The following RAB6B variants were observed in gnomAD, a reference collection of about 807,000 sequenced individuals.
RAB6B encodes RAB6B, member RAS oncogene family.
A neutral mutation model predicts 31.2 loss-of-function variants in RAB6B; 7 were observed. The observed-to-expected ratio is 0.22, with a 90% CI of 0.13 to 0.42. RAB6B has a LOEUF of 0.42. RAB6B is among the 10% of genes least tolerant of loss of function. The probability of loss-of-function intolerance (pLI) is 1.00; values close to 1 mark genes in which losing one functional copy is unlikely to be tolerated. For synonymous variants in RAB6B, 105 were observed against 104.9 expected (o/e 1.00, Z -0.01); for missense variants, 149 against 280.6 (o/e 0.53, Z 3.35).
intron 2 of RAB6B, among the ~76,000 whole-genome samples, chr3:133,862,044 G>A (rs1936167686): frequency 6.6e-6 from 1 of 151,870 alleles, no homozygotes; most frequent in South Asian, 2.1e-4. Context: ...ATGAGCCTCT[G>A]TATACACAGA....
chr3:133,834,827 T>C lies in RAB6B; in HGVS notation c.496-186A>G, dbSNP rs536049793. On this transcript the variant is annotated intron_variant, in intron 6 of 7. Transcript: ENST00000285208. ...TCTCTCTCCCCCACCTCTCACAGCA[T>C]TGGGTCTGGGCAGGCCTCAGTAGCT... 2.8e-4 allele frequency among the ~76,000 whole-genome samples: 43 copies of C among 152,244 alleles called. 1 individual carries two copies. In the South Asian group the frequency reaches 7.1e-3, roughly 25 times the overall value.
At chr3:133,887,699 G>T (rs138284680) in intron 1 of RAB6B, among the ~76,000 whole-genome samples, 1 of 152,170 alleles carries the variant, frequency 6.6e-6, no homozygotes, top group African/African-American at 2.4e-5. Context: ...GTGACAGACC[G>T]GGAATAGAAT....
intron 7 of RAB6B, among the ~76,000 whole-genome samples, chr3:133,829,375 A>C (rs1181817119): frequency 6.6e-6 from 1 of 152,200 alleles, no homozygotes. Flanking sequence ...ATGGGGCCTA[A>C]GCACAGCCCC....
At chr3:133,840,839 C>A (rs1576395049) in intron 4 of RAB6B, among the ~76,000 whole-genome samples, 1 of 152,154 alleles carries the variant, frequency 6.6e-6, no homozygotes, top group South Asian at 2.1e-4. Context: ...CCTTGCCTAC[C>A]TTCCCAGGGA....
chr3:133,851,908 G>C (rs1477959217), intron 2 of RAB6B, among the ~76,000 whole-genome samples: 1 of 152,172 alleles, frequency 6.6e-6, no homozygotes, highest in Non-Finnish European at 1.5e-5. Context: ...ACTAAAGGAT[G>C]GCCCAAGGTG....
chr3:133,841,223 G>T (rs1935825126), intron 4 of RAB6B, 62 bp downstream of exon 4: 2 of 1,524,548 alleles, frequency 1.3e-6, no homozygotes, highest in Admixed American at 3.3e-5. Flanking sequence ...CCTGGCCAGG[G>T]TCACACCTGG....
At chr3:133,892,091 C>G (rs1025150408) in intron 1 of RAB6B, among the ~76,000 whole-genome samples, 3 of 152,124 alleles carry the variant, frequency 2.0e-5, no homozygotes, top group African/African-American at 7.2e-5. Flanking sequence ...CACAGGCCCA[C>G]TCTCCCCTCC....
chr3:133,838,400 C>G (rs1935773504), intron 5 of RAB6B, 141 bp from the exon 6 acceptor site: 3 of 743,598 alleles, frequency 4.0e-6, no homozygotes, highest in Non-Finnish European at 7.1e-6. Flanking sequence ...TCCCAAGGGT[C>G]CCTCCCGGGC....
At chr3:133,867,153 T>C (rs1330147293) in intron 1 of RAB6B, among the ~76,000 whole-genome samples, 1 of 152,168 alleles carries the variant, frequency 6.6e-6, no homozygotes, top group African/African-American at 2.4e-5. Flanking sequence ...TGCTCACAGG[T>C]CTAGGGGGCA....
intron 5 of RAB6B, 136 bp downstream of exon 5, chr3:133,839,370 G>A: frequency 2.8e-6 from 2 of 715,860 alleles, no homozygotes; most frequent in Non-Finnish European, 4.9e-6. Context: ...AAAGCTCCTA[G>A]TGTCTCAAGG....
chr3:133,842,219 C>T (rs1245914970), intron 2 of RAB6B, among the ~76,000 whole-genome samples: 2 of 152,186 alleles, frequency 1.3e-5, no homozygotes, highest in Non-Finnish European at 2.9e-5. Context: ...GCTGGGAGGC[C>T]CCACTGGCTC....
intron 1 of RAB6B, among the ~76,000 whole-genome samples, chr3:133,876,589 T>C (rs533602621): frequency 2.0e-5 from 3 of 152,118 alleles, no homozygotes; most frequent in Non-Finnish European, 2.9e-5. Context: ...TTATTGAAGG[T>C]AGACTAAGAA....
chr3:133,839,210 A>T (rs1935784717), intron 5 of RAB6B, among the ~76,000 whole-genome samples: 1 of 152,230 alleles, frequency 6.6e-6, no homozygotes. Flanking sequence ...TGGCCATGGC[A>T]GGGCCTTAGA....
Position 133,895,314 on chromosome 3 carries a change from G to T in RAB6B, c.70+83C>A. The T allele has an allele frequency of 2.0e-6, 3 of 1,465,864 alleles. No individual in the cohort carries two copies. In the South Asian group the frequency reaches 3.5e-5, roughly 17 times the overall value. The allele number at this position is 1,465,864 out of a possible 1,614,324, so 90.8% of individuals were successfully genotyped here. A position where few individuals can be genotyped will look rare whatever the true frequency, so the allele number is the denominator to read the frequency against. On this transcript the variant is annotated intron_variant, in intron 1 of 7. Transcript: ENST00000285208. ...GGCAAGGAGGGGCCTTTCCGAGCCT[G>T]GGCCGGGGGTCCCAATGGGGTGGGC...
chr3:133,863,644 C>T lies in RAB6B; in HGVS notation c.129+940G>A, dbSNP rs372433205. 3.3e-5 allele frequency among the ~76,000 whole-genome samples: 5 copies of T among 152,138 alleles called. No homozygotes were observed. In the East Asian group the frequency reaches 9.6e-4, roughly 29 times the overall value. ...GCACAGCAGTAGATTTACTTTTGTTCACCCAGTGTTCCCTAAATCTGTACA... is the reference window on the plus strand; with the variant it reads ...GCACAGCAGTAGATTTACTTTTGTTTACCCAGTGTTCCCTAAATCTGTACA... On this transcript the variant is annotated intron_variant, in intron 2 of 7. Coordinates refer to ENST00000285208, the MANE Select transcript of RAB6B (RefSeq NM_016577.4).
intron 4 of RAB6B, among the ~76,000 whole-genome samples, 162 bp downstream of exon 4, chr3:133,841,123 C>T (rs994961421): frequency 1.3e-5 from 2 of 152,118 alleles, no homozygotes; most frequent in Middle Eastern, 3.4e-3. Context: ...AAAGGCAACT[C>T]ACCACTGCTC....
intron 1 of RAB6B, chr3:133,894,366 T>C (rs907993233): frequency 6.6e-6 from 1 of 152,324 alleles, no homozygotes; most frequent in East Asian, 1.9e-4. Flanking sequence ...CCCTTCAATC[T>C]GGGCTTCCCG....
chr3:133,841,212 G>A (rs1935824893), intron 4 of RAB6B, 73 bp downstream of exon 4: 1 of 1,404,322 alleles, frequency 7.1e-7, no homozygotes, highest in South Asian at 1.2e-5. Flanking sequence ...ATGCACACAG[G>A]CCTGGCCAGG....
intron 2 of RAB6B, among the ~76,000 whole-genome samples, chr3:133,849,840 G>A (rs1559903839): frequency 6.6e-6 from 1 of 152,204 alleles, no homozygotes; most frequent in Non-Finnish European, 1.5e-5. Flanking sequence ...AGAAAAGTCA[G>A]CTCTCTAAGG....
Sources: gnomAD v4.1 joint callset for allele counts (sites outside exome capture counted in the v4.1 genomes callset) on GRCh38, gnomAD v4.1.1 for gene constraint, MANE v1.5 for transcripts, NCBI Gene and HGNC (gene_info 2026-07-23, HGNC 2026-07-21) for gene names.